HEMK1: variants seen among roughly 807,000 people sequenced by gnomAD.
The protein encoded by HEMK1 is MTRF1L release factor glutamine methyltransferase.
In HEMK1, 36 loss-of-function variants were observed where a neutral mutation model predicts 47.9. The observed-to-expected ratio is 0.75, with a 90% CI of 0.58 to 0.99. The LOEUF (loss-of-function observed/expected upper bound fraction) is 0.99. HEMK1 is among the 50% of genes least tolerant of loss of function. The probability of loss-of-function intolerance (pLI) is 0.00; values close to 1 mark genes in which losing one functional copy is unlikely to be tolerated. For missense variants in HEMK1, 383 were observed against 434.5 expected, an observed-to-expected ratio of 0.88 and a Z score of 1.05; for synonymous variants, 153 against 165.4, an observed-to-expected ratio of 0.93 and a Z score of 0.57.
rs993958412 is a variant in HEMK1, at chr3:50,588,148, A to T, written c.*7731A>T. 6.6e-6 allele frequency: 1 copy of T among 152,252 alleles called. No homozygotes were observed. Among genetic ancestry groups the T allele is most frequent in the Non-Finnish European group, 1.5e-5 (1 of 68,070 alleles). The allele number at this position is 152,252 out of a possible 1,614,324, so 9.4% of individuals were successfully genotyped here. On this transcript the variant is annotated 3_prime_UTR_variant, in exon 11 of 11. Transcript: ENST00000232854. ...ACAGTCCAAAGGCAACCCTTGAGGT[A>T]GAGTTGTGAAGACCACTCTCCTAGA...
Position 50,590,745 on chromosome 3 carries a change from C to G in HEMK1, c.*10328C>G, listed in dbSNP as rs2031680004. 6.6e-6 allele frequency: 1 copy of G among 152,208 alleles called. No individual in the cohort carries two copies. The highest frequency in any genetic ancestry group is 2.4e-5 in the African/African-American group (1 of 41,418). The allele number at this position is 152,208 out of a possible 1,614,324, so 9.4% of individuals were successfully genotyped here. ...ACAGCAAATCAATCTGGGCCACATG[C>G]TCCTGAAAGGTCCTTGGGAGCCCCA... is the stretch of plus-strand genomic sequence containing the variant. On this transcript the variant is annotated 3_prime_UTR_variant, in exon 11 of 11. Coordinates refer to ENST00000232854, the MANE Select transcript of HEMK1 (RefSeq NM_016173.5).
chr3:50,577,178 C>T lies in HEMK1; in HGVS notation c.541C>T (p.Leu181Phe). Reference sequence around the variant, plus strand: ...CATCTCCCTCAGCCTGCTGAGCCAGCTCCCCCAGGTGAGCCCCTCCACCCA... The same window carrying T: ...CATCTCCCTCAGCCTGCTGAGCCAGTTCCCCCAGGTGAGCCCCTCCACCCA... ...GAISLSLLSQ[L>F]PQSRVIAVDK... is the part of the protein sequence containing the mutation. The change falls in exon 5 of 11, where the codon CTC becomes TTC. Residue 181 changes from leucine to phenylalanine, a missense_variant. Coordinates refer to ENST00000232854, the MANE Select transcript of HEMK1 (RefSeq NM_016173.5). The T allele has an allele frequency of 6.2e-7, 1 of 1,609,970 alleles. No homozygotes were observed. The highest frequency in any genetic ancestry group is 8.5e-7 in the Non-Finnish European group (1 of 1,178,888).
chr3:50,580,303 AGG>A (rs1442282269), intron 10 of HEMK1, 74 bp downstream of exon 10: 17 of 1,606,786 alleles, frequency 1.1e-5, no homozygotes, highest in African/African-American at 1.3e-5. Flanking sequence ...CCTGGCTGTC[AGG>A]AGAGTGTGCT....
chr3:50,579,460 G>A (rs1317750657), intron 8 of HEMK1, among the ~76,000 whole-genome samples: 2 of 152,192 alleles, frequency 1.3e-5, no homozygotes, highest in African/African-American at 4.8e-5. Context: ...CAGCAGTCAT[G>A]TTGGATGGGG....
Position 50,592,960 on chromosome 3 carries a change from G to A in HEMK1, c.*12543G>A, listed in dbSNP as rs551572189. ...CAGGCCTGTGCCTATATTTGGCAGG[G>A]TGAGGGGTGGGGGCCAGACAAATTG... On this transcript the variant is annotated 3_prime_UTR_variant, in exon 11 of 11. Coordinates refer to ENST00000232854, the MANE Select transcript of HEMK1 (RefSeq NM_016173.5). 1.3e-5 allele frequency: 2 copies of A among 152,338 alleles called. No homozygotes were observed. The highest frequency in any genetic ancestry group is 6.5e-5 in the Admixed American group (1 of 15,282). 9.4% of individuals were successfully genotyped at this position (152,338 alleles called of 1,614,324 possible). A position where few individuals can be genotyped will look rare whatever the true frequency, so the allele number is the denominator to read the frequency against.
At chr3:50,571,999 G>A in intron 3 of HEMK1, 116 bp from the exon 4 acceptor site, 3 of 1,525,238 alleles carry the variant, frequency 2.0e-6, no homozygotes, top group Non-Finnish European at 2.7e-6. Context: ...GAGTCCCAAG[G>A]CCCTGGAGAC....
chr3:50,579,034 T>C lies in HEMK1; in HGVS notation c.770+108T>C, dbSNP rs921031985. ...AGGGACAGGGGAGTTGGTGCTGAAA[T>C]GGGCAATGGTGTTAAGTTGACGCAC... On this transcript the variant is annotated intron_variant, in intron 8 of 10. Transcript: ENST00000232854. The C allele has an allele frequency of 7.8e-6, 6 of 769,398 alleles. No homozygotes were observed. The African/African-American group carries it at 8.7e-5, about 11-fold the overall frequency. 47.7% of individuals were successfully genotyped at this position (769,398 alleles called of 1,614,324 possible).
rs1453703305 is a variant in HEMK1 at position 50,594,419 on chromosome 3, A to C, written c.*14002A>C. ...GCCTGGTGGAGGATACAGGCAGGCA[A>C]ATAGATCCTTATCCTTAGGCCATGG... On this transcript the variant is annotated 3_prime_UTR_variant, in exon 11 of 11. Transcript: ENST00000232854. 6.6e-6 allele frequency: 1 copy of C among 152,262 alleles called. No individual in the cohort carries two copies. The highest frequency in any genetic ancestry group is 1.5e-5 in the Non-Finnish European group (1 of 68,060). 9.4% of individuals were successfully genotyped at this position (152,262 alleles called of 1,614,324 possible).
chr3:50,589,831 A>T lies in HEMK1; in HGVS notation c.*9414A>T, dbSNP rs1441634501. 1 of 152,122 alleles carries T rather than the reference A, an allele frequency of 6.6e-6. No individual in the cohort carries two copies. The highest frequency in any genetic ancestry group is 2.4e-5 in the African/African-American group (1 of 41,402). The allele number at this position is 152,122 out of a possible 1,614,324, so 9.4% of individuals were successfully genotyped here. ...AGAATCGCTTGAAACCGAGAGGCAG[A>T]TGTTGCAGTGAGCCAAGATCACGCC... On this transcript the variant is annotated 3_prime_UTR_variant, in exon 11 of 11. Transcript: ENST00000232854.
chr3:50,580,033 C>CA, intron 9 of HEMK1, 83 bp from the exon 10 acceptor site: 1 of 1,520,090 alleles, frequency 6.6e-7, no homozygotes, highest in South Asian at 1.1e-5. Context: ...CAGCACAGGA[C>CA]CCTCACCTCG....
In HEMK1 at chr3:50,569,774, C is replaced by G. The variant is rs983713448; in HGVS notation, c.-175+200C>G. 3.9e-5 allele frequency: 6 copies of G among 152,282 alleles called. No homozygotes were observed. The South Asian group carries it at 8.3e-4, about 21-fold the overall frequency. The allele number at this position is 152,282 out of a possible 1,614,324, so 9.4% of individuals were successfully genotyped here. A position where few individuals can be genotyped will look rare whatever the true frequency, so the allele number is the denominator to read the frequency against. On this transcript the variant is annotated intron_variant, in intron 1 of 10. Coordinates refer to ENST00000232854, the MANE Select transcript of HEMK1 (RefSeq NM_016173.5). ...GGGCCTTGGCTCCTGGGACGGCGCA[C>G]TGGTGCAAGAGCCGCTTCTGGAGTC...
Position 50,580,407 on chromosome 3 carries a change from C to T in HEMK1, c.1007C>T (p.Ser336Phe), listed in dbSNP as rs1047848. The change falls in exon 11 of 11, where the codon TCT becomes TTT. Residue 336 changes from serine to phenylalanine, a missense_variant. Physicochemically the swap from Ser to Phe is radical, Grantham distance 155. Transcript: ENST00000232854. Reference sequence around the variant, plus strand: ...CCCCGGTTCCTGCATATCCGGAGGTCTGGGCCATAGCATGGCTGCCCTGTG... The same window carrying T: ...CCCCGGTTCCTGCATATCCGGAGGTTTGGGCCATAGCATGGCTGCCCTGTG... ...GRPRFLHIRR[S>F]GP The T allele has an allele frequency of 6.2e-7, 1 of 1,614,162 alleles. No homozygotes were observed. The highest frequency in any genetic ancestry group is 1.1e-5 in the South Asian group (1 of 91,082).
chr3:50,577,342 C>T (rs1175306524), intron 5 of HEMK1, among the ~76,000 whole-genome samples, 156 bp downstream of exon 5: 1 of 152,262 alleles, frequency 6.6e-6, no homozygotes, highest in Non-Finnish European at 1.5e-5. Context: ...TTCACAGACT[C>T]TAACGCCTAC....
intron 6 of HEMK1, 67 bp downstream of exon 6, chr3:50,577,640 T>C (rs1156731855): frequency 6.6e-7 from 1 of 1,517,900 alleles, no homozygotes. Context: ...CTCACCAATG[T>C]CTGATTTCTA....
chr3:50,577,623 T>G, intron 6 of HEMK1, 50 bp downstream of exon 6: 1 of 1,558,174 alleles, frequency 6.4e-7, no homozygotes, highest in South Asian at 1.1e-5. Context: ...CCTTTTCAGG[T>G]TTCAAACTCA....
rs900245026 is a variant in HEMK1, at chr3:50,590,821, G to A, written c.*10404G>A. ...GTACTCCATGAGTAGACATGGGCTA[G>A]GGACTTACCCAGGCCCTTGGTGGTG... is the stretch of plus-strand genomic sequence containing the variant. On this transcript the variant is annotated 3_prime_UTR_variant, in exon 11 of 11. Transcript: ENST00000232854. 2.6e-5 allele frequency: 4 copies of A among 152,204 alleles called. No individual in the cohort carries two copies. The highest frequency in any genetic ancestry group is 9.7e-5 in the African/African-American group (4 of 41,436). The allele number at this position is 152,204 out of a possible 1,614,324, so 9.4% of individuals were successfully genotyped here.
At position 50,595,085 on chromosome 3, in the gene HEMK1, CAG is replaced by C. The variant is rs943676536; in HGVS notation, c.*14669_*14670del. ...AGCTATTTTGTATTTTTAGTAGAAA[CAG>C]GGTTTCACCATGTTGGCCAGGATGG... On this transcript the variant is annotated 3_prime_UTR_variant, in exon 11 of 11. Transcript: ENST00000232854. 3 of 152,168 alleles carry C rather than the reference CAG, an allele frequency of 2.0e-5. No individual in the cohort carries two copies. The highest frequency in any genetic ancestry group is 2.9e-5 in the Non-Finnish European group (2 of 68,080). The allele number at this position is 152,168 out of a possible 1,614,324, so 9.4% of individuals were successfully genotyped here.
intron 3 of HEMK1, 131 bp from the exon 4 acceptor site, chr3:50,571,984 C>A: frequency 6.7e-7 from 1 of 1,486,924 alleles, no homozygotes; most frequent in South Asian, 1.3e-5. Flanking sequence ...AGGGTTTTGC[C>A]TCAGGAGTCC....
In HEMK1 at chr3:50,591,341, C is replaced by T. The variant is rs2031710813; in HGVS notation, c.*10924C>T. 6.6e-6 allele frequency: 1 copy of T among 152,268 alleles called. No homozygotes were observed. 9.4% of individuals were successfully genotyped at this position (152,268 alleles called of 1,614,324 possible). A position where few individuals can be genotyped will look rare whatever the true frequency, so the allele number is the denominator to read the frequency against. ...GCCTTGCAGAACTCATGGACTTGCA[C>T]ATAGACTCCTCCTGACAGGCCCCTC... On this transcript the variant is annotated 3_prime_UTR_variant, in exon 11 of 11. Transcript: ENST00000232854.
Sources: allele counts gnomAD v4.1 joint callset (sites outside exome capture counted in the v4.1 genomes callset), GRCh38; gene constraint gnomAD v4.1.1; transcripts MANE v1.5; gene names NCBI Gene and HGNC (gene_info 2026-07-23, HGNC 2026-07-21).